PHC2: variants seen among roughly 807,000 people sequenced by gnomAD.
PHC2 encodes the protein polyhomeotic homolog 2.
A neutral mutation model predicts 87.4 loss-of-function variants in PHC2; 29 were observed. The observed-to-expected ratio is 0.33, with a 90% CI of 0.25 to 0.45. The LOEUF is 0.45. Ranked by LOEUF, PHC2 falls within the 20% of genes least tolerant of loss-of-function variation. PHC2 has a pLI of 1.00. For missense variants in PHC2, 857 were observed against 1,136.7 expected (o/e 0.75, Z 3.54); for synonymous variants, 438 against 461.7 (o/e 0.95, Z 0.66).
Position 33,355,083 on chromosome 1 carries a change from G to A in PHC2, c.1147C>T (p.Pro383Ser), listed in dbSNP as rs751096480. 1 of 1,612,622 alleles carries A rather than the reference G, an allele frequency of 6.2e-7. No homozygotes were observed. The highest frequency in any genetic ancestry group is 8.5e-7 in the Non-Finnish European group (1 of 1,179,524). The change falls in exon 8 of 15, where the codon CCA becomes TCA. Residue 383 changes from proline (P) to serine (S), a missense_variant. Physicochemically the swap from Pro to Ser is moderately conservative, Grantham distance 74. This residue lies in a region of PHC2 where 832 missense variants were observed against 1,081.8 expected (regional missense o/e 0.77). Coordinates refer to ENST00000683057, the MANE Select transcript of PHC2 (RefSeq NM_001385109.1). ...EPHPQLASVS[P>S]SVALQPSSEA... ...GAGCTGGGCTGGAGGGCCACGCTTGGAGAGACTGAGGCGAGCTGGGGGTGG... is the reference window on the plus strand; with the variant it reads ...GAGCTGGGCTGGAGGGCCACGCTTGAAGAGACTGAGGCGAGCTGGGGGTGG...
At position 33,369,337 on chromosome 1, in the gene PHC2, C is replaced by T. The variant is rs755052611; in HGVS notation, c.577-715G>A. On this transcript the variant is annotated intron_variant, in intron 5 of 14. Coordinates refer to ENST00000683057, the MANE Select transcript of PHC2 (RefSeq NM_001385109.1). The surrounding 1 kb of genome is among the most constrained non-coding windows in gnomAD (Gnocchi z 4.7). ...ACAGGGTGCTTTCCCTAGAACTCTGCGATAGCGCAGCTGTGCTTTTTCCTC... is the reference window on the plus strand; with the variant it reads ...ACAGGGTGCTTTCCCTAGAACTCTGTGATAGCGCAGCTGTGCTTTTTCCTC... Among the ~76,000 whole-genome samples the T allele has an allele frequency of 2.6e-5, 4 of 152,206 alleles. No individual in the cohort carries two copies. The highest frequency in any genetic ancestry group is 6.5e-5 in the Admixed American group (1 of 15,288).
intron 1 of PHC2, among the ~76,000 whole-genome samples, chr1:33,430,763 A>G (rs1361332300): frequency 1.3e-5 from 2 of 150,100 alleles, no homozygotes; most frequent in East Asian, 2.0e-4. Flanking sequence ...CGCGGGCCCC[A>G]CGCCGCGGAC....
rs2148318014 is a variant in PHC2, at chr1:33,367,223, G to A, written c.869C>T (p.Pro290Leu). 2 of 1,614,176 alleles carry A rather than the reference G, an allele frequency of 1.2e-6. No homozygotes were observed. The highest frequency in any genetic ancestry group is 2.2e-5 in the South Asian group (2 of 91,080). Residue 290 changes from proline (P) to leucine (L), a missense_variant, in exon 7 of 15, where the codon CCA becomes CTA. Transcript: ENST00000683057. Reference sequence around the variant, plus strand: ...GCTGTTGCCATCTCCTTTCTTGTGTGGCTCCATCACACTGTCAGCTATGCC... The same window carrying A: ...GCTGTTGCCATCTCCTTTCTTGTGTAGCTCCATCACACTGTCAGCTATGCC... Reference protein sequence around the residue: ...KPGIADSVMEPHKKGDGNSSV... With the variant: ...KPGIADSVMELHKKGDGNSSV...
At chr1:33,425,287 G>A (rs1197782041) in intron 1 of PHC2, among the ~76,000 whole-genome samples, 2 of 152,108 alleles carry the variant, frequency 1.3e-5, no homozygotes, top group East Asian at 3.8e-4. Context: ...CATATACAAC[G>A]TTTCTTTACA....
At chr1:33,356,208 T>C (rs1239648419) in intron 7 of PHC2, among the ~76,000 whole-genome samples, 1 of 146,294 alleles carries the variant, frequency 6.8e-6, no homozygotes, top group Non-Finnish European at 1.5e-5. Flanking sequence ...AGCTTTTCTC[T>C]CTTCTATTTT....
chr1:33,427,370 A>G (rs1364551581), intron 1 of PHC2, among the ~76,000 whole-genome samples: 1 of 152,250 alleles, frequency 6.6e-6, no homozygotes, highest in Non-Finnish European at 1.5e-5. Flanking sequence ...AAATAAAAAG[A>G]ATAATATTTT....
In PHC2 at chr1:33,382,805, C is replaced by A. The variant is rs1648552961; in HGVS notation, c.-54-7212G>T. ...GCCGCCAAGTCTACGAAACACTAGG[C>A]CTTTGTCCCCAGTGTCAGGGAAATC... On this transcript the variant is annotated intron_variant, in intron 1 of 14. Coordinates refer to ENST00000683057, the MANE Select transcript of PHC2 (RefSeq NM_001385109.1). This position sits in a 1 kb window ranked among gnomAD's most constrained non-coding sequence, Gnocchi z 4.3. Among the ~76,000 whole-genome samples the A allele has an allele frequency of 6.6e-6, 1 of 152,182 alleles. No homozygotes were observed. Among genetic ancestry groups the A allele is most frequent in the Non-Finnish European group, 1.5e-5 (1 of 68,030 alleles).
chr1:33,347,226 A>G (rs753230196), intron 9 of PHC2: 38 of 985,308 alleles, frequency 3.9e-5, no homozygotes, highest in Non-Finnish European at 4.5e-5. Flanking sequence ...CTTAGACTAG[A>G]AAGTCAATGA....
chr1:33,341,693 A>G (rs530016770), intron 9 of PHC2, among the ~76,000 whole-genome samples: 3 of 152,348 alleles, frequency 2.0e-5, no homozygotes, highest in African/African-American at 4.8e-5. Flanking sequence ...CCCACAACGA[A>G]TTTACACATT....
intron 1 of PHC2, among the ~76,000 whole-genome samples, chr1:33,427,722 G>A (rs1237231949): frequency 6.6e-6 from 1 of 152,184 alleles, no homozygotes; most frequent in African/African-American, 2.4e-5. Flanking sequence ...TTCTTCTCTT[G>A]ACTTCTGTGA....
Position 33,387,857 on chromosome 1 carries a change from G to A in PHC2, c.-54-12264C>T, listed in dbSNP as rs144518267. ...GCCTATCTCACAAGAGTCATCTCCC[G>A]CAGCAGCGTCAGTCTAAGGCAAATG... On this transcript the variant is annotated intron_variant, in intron 1 of 14. Transcript: ENST00000683057. Among the ~76,000 whole-genome samples the A allele has an allele frequency of 2.3e-3, 348 of 152,340 alleles. 5 individuals carry two copies. The East Asian group carries it at 0.025, about 11-fold the overall frequency.
At chr1:33,399,155 A>T (rs751435349) in intron 1 of PHC2, among the ~76,000 whole-genome samples, 2 of 152,160 alleles carry the variant, frequency 1.3e-5, no homozygotes, top group Non-Finnish European at 2.9e-5. Context: ...TATGAGTGTG[A>T]CTAGGACAAG....
intron 1 of PHC2, among the ~76,000 whole-genome samples, chr1:33,390,992 C>A (rs1413601779): frequency 6.6e-6 from 1 of 152,118 alleles, no homozygotes; most frequent in African/African-American, 2.4e-5. Context: ...GGGGAGGGGG[C>A]TTTCTAGGTG....
At chr1:33,350,330 A>T (rs1646945972) in intron 9 of PHC2, 1 of 152,182 alleles carries the variant, frequency 6.6e-6, no homozygotes, top group Non-Finnish European at 1.5e-5. Context: ...GATCAGAGGG[A>T]AGTCATGGCC....
chr1:33,345,632 A>G (rs1325777931), intron 9 of PHC2: 1 of 983,338 alleles, frequency 1.0e-6, no homozygotes, highest in Non-Finnish European at 1.2e-6. Context: ...AAAACTAGTA[A>G]TTCTAAATTG....
chr1:33,376,378 C>G (rs1195615066), intron 1 of PHC2, among the ~76,000 whole-genome samples: 1 of 152,226 alleles, frequency 6.6e-6, no homozygotes, highest in Non-Finnish European at 1.5e-5. Context: ...CTCAGAAGGA[C>G]AGGGCAGACT....
chr1:33,380,156 C>G (rs1648425427), intron 1 of PHC2, among the ~76,000 whole-genome samples: 1 of 152,212 alleles, frequency 6.6e-6, no homozygotes, highest in South Asian at 2.1e-4. Context: ...CTCTCTCAAT[C>G]ACTTATGTAA....
Position 33,342,752 on chromosome 1 carries a change from G to A in PHC2, c.1559-8460C>T, listed in dbSNP as rs146950669. ...TTTTCAAAGAGTTCTACTTAACCCT[G>A]GTGATGGAGGCCAGTCCACTGGTAT... On this transcript the variant is annotated intron_variant, in intron 9 of 14. Transcript: ENST00000683057. 9.6e-3 allele frequency among the ~76,000 whole-genome samples: 1,468 copies of A among 152,292 alleles called. 21 individuals are homozygous for A. The highest frequency in any genetic ancestry group is 0.013 in the Non-Finnish European group (855 of 68,028).
At chr1:33,361,254 A>C (rs1311506117) in intron 7 of PHC2, among the ~76,000 whole-genome samples, 2 of 152,216 alleles carry the variant, frequency 1.3e-5, no homozygotes, top group Non-Finnish European at 2.9e-5. Flanking sequence ...GATAGTCAGA[A>C]GTCATTAACA....
Sources: gnomAD v4.1 joint callset for allele counts (sites outside exome capture counted in the v4.1 genomes callset) on GRCh38, gnomAD v4.1.1 for gene constraint, gnomAD v4.1.1 regional missense constraint, Gnocchi (gnomAD v3.1) non-coding constraint, MANE v1.5 for transcripts, NCBI Gene and HGNC (gene_info 2026-07-23, HGNC 2026-07-21) for gene names.